Variants in LRP2 observed in about 807,000 individuals in gnomAD.
LRP2 encodes low-density lipoprotein receptor-related protein 2.
In LRP2, 172 loss-of-function variants were observed where a neutral mutation model predicts 531.0. The ratio of observed to expected loss-of-function variants is 0.32; its 90% CI spans 0.29 to 0.37. The LOEUF is 0.37. Ranked by LOEUF, LRP2 falls within the 10% of genes least tolerant of loss-of-function variation. The pLI, the probability that LRP2 is intolerant of heterozygous loss-of-function variation, is 1.00. For missense variants in LRP2, 5,167 were observed against 5,868.3 expected (o/e 0.88, Z 3.90); for synonymous variants, 1,992 against 2,027.6 (o/e 0.98, Z 0.47).
intron 27 of LRP2, 149 bp from the exon 28 acceptor site, chr2:169,237,436 C>T: frequency 1.5e-6 from 1 of 645,890 alleles, no homozygotes; most frequent in Non-Finnish European, 2.7e-6. Flanking sequence ...TGTAGCTAAC[C>T]ACCAAATCAA....
intron 31 of LRP2, among the ~76,000 whole-genome samples, chr2:169,228,157 C>T (rs1447533127): frequency 1.3e-5 from 2 of 152,088 alleles, no homozygotes; most frequent in Non-Finnish European, 2.9e-5. Context: ...AAATAAGACA[C>T]AAAGAAATCA....
intron 68 of LRP2, among the ~76,000 whole-genome samples, chr2:169,147,751 G>A (rs1274294986): frequency 6.6e-6 from 1 of 152,168 alleles, no homozygotes; most frequent in Admixed American, 6.5e-5. Context: ...AGAGGAACAG[G>A]TATGTAAGAT....
chr2:169,158,025 G>A (rs1357902678), intron 63 of LRP2, among the ~76,000 whole-genome samples: 1 of 147,448 alleles, frequency 6.8e-6, no homozygotes, highest in Admixed American at 6.8e-5. Context: ...ATTTTAAGAA[G>A]ACTATAATTT....
At chr2:169,199,439 A>G (rs1688117053) in intron 44 of LRP2, among the ~76,000 whole-genome samples, 1 of 152,190 alleles carries the variant, frequency 6.6e-6, no homozygotes, top group African/African-American at 2.4e-5. Flanking sequence ...AACAAAGAAA[A>G]GATAAACTAA....
chr2:169,195,219 C>T (rs1014444585), intron 46 of LRP2, among the ~76,000 whole-genome samples: 2 of 152,058 alleles, frequency 1.3e-5, no homozygotes, highest in African/African-American at 2.4e-5. Context: ...TATTCTTTGG[C>T]AGTGTACAGG....
intron 4 of LRP2, among the ~76,000 whole-genome samples, chr2:169,301,402 TA>T (rs5836230): frequency 0.31 from 45,039 of 143,656 alleles, 7,503 homozygotes; most frequent in East Asian, 0.61. Flanking sequence ...CTCTGTTCCT[TA>T]AAAAAAAAAA....
At chr2:169,240,656 A>G (rs544474654) in intron 25 of LRP2, 3 of 498,732 alleles carry the variant, frequency 6.0e-6, no homozygotes, top group East Asian at 3.2e-5. Flanking sequence ...TTGAAATTAG[A>G]AAATATTAAA....
At chr2:169,216,178 C>T in intron 35 of LRP2, 75 bp downstream of exon 35, 1 of 1,498,188 alleles carries the variant, frequency 6.7e-7, no homozygotes, top group Non-Finnish European at 9.3e-7. Context: ...GAACCACTGC[C>T]TGACAGCTCA....
chr2:169,299,249 A>T (rs1684229179), intron 4 of LRP2, among the ~76,000 whole-genome samples: 1 of 152,098 alleles, frequency 6.6e-6, no homozygotes, highest in Admixed American at 6.6e-5. Flanking sequence ...TGTAGAATTG[A>T]ACTAACATCA....
Position 169,146,998 on chromosome 2 carries a change from G to A in LRP2, c.12591-39C>T, listed in dbSNP as rs41268687. ...TTTCTTCACTGTAGCATCTCACCTGGTAAGACTTCTCCACTACAGCAGAGC... is the reference window on the plus strand; with the variant it reads ...TTTCTTCACTGTAGCATCTCACCTGATAAGACTTCTCCACTACAGCAGAGC... On this transcript the variant is annotated intron_variant, in intron 68 of 78. Transcript: ENST00000649046. 0.024 allele frequency: 35,630 copies of A among 1,461,900 alleles called. 2,068 individuals carry two copies. Among genetic ancestry groups the A allele is most frequent in the African/African-American group, 0.22 (15,615 of 72,006 alleles). 90.6% of individuals were successfully genotyped at this position (1,461,900 alleles called of 1,614,324 possible). A position where few individuals can be genotyped will look rare whatever the true frequency, so the allele number is the denominator to read the frequency against.
chr2:169,314,466 T>C (rs1479036033), intron 3 of LRP2, among the ~76,000 whole-genome samples: 1 of 151,802 alleles, frequency 6.6e-6, no homozygotes, highest in African/African-American at 2.4e-5. Context: ...ACAGTGACAG[T>C]TTTCAAGGTG....
chr2:169,233,047 C>G (rs1689468232), intron 30 of LRP2, among the ~76,000 whole-genome samples: 1 of 152,138 alleles, frequency 6.6e-6, no homozygotes, highest in African/African-American at 2.4e-5. Context: ...TAAACTAGTC[C>G]TAAAAGTAAG....
chr2:169,228,372 A>G (rs964831753), intron 31 of LRP2, among the ~76,000 whole-genome samples: 2 of 151,616 alleles, frequency 1.3e-5, no homozygotes, highest in Non-Finnish European at 1.5e-5. Context: ...TTATATTGAG[A>G]TGATATTTAA....
chr2:169,157,678 G>A (rs1004761711), intron 63 of LRP2, among the ~76,000 whole-genome samples, 176 bp from the exon 64 acceptor site: 3 of 151,926 alleles, frequency 2.0e-5, no homozygotes, highest in Admixed American at 1.3e-4. Context: ...ATTTCTGATC[G>A]TGATCTGAAT....
intron 27 of LRP2, 114 bp downstream of exon 27, chr2:169,237,977 G>T: frequency 1.2e-6 from 1 of 848,320 alleles, no homozygotes; most frequent in Non-Finnish European, 2.0e-6. Context: ...TGGCCCAGAA[G>T]GTACCATGAG....
intron 17 of LRP2, 106 bp from the exon 18 acceptor site, chr2:169,257,355 G>T: frequency 8.2e-7 from 1 of 1,214,656 alleles, no homozygotes; most frequent in Non-Finnish European, 1.2e-6. Context: ...AATTAATTTT[G>T]TTTTCTTTAT....
At chr2:169,179,725 AAAAAAAGT>A (rs1687355243) in intron 52 of LRP2, among the ~76,000 whole-genome samples, 1 of 151,930 alleles carries the variant, frequency 6.6e-6, no homozygotes, top group South Asian at 2.1e-4. Context: ...CATCTCAAAA[AAAAAAAGT>A]AAGAGTAGAA....
chr2:169,231,383 G>T (rs4668127), intron 31 of LRP2, among the ~76,000 whole-genome samples: 14 of 151,760 alleles, frequency 9.2e-5, no homozygotes, highest in African/African-American at 3.4e-4. Flanking sequence ...GTACACAAAC[G>T]TTGAGAATGT....
chr2:169,308,851 T>G (rs1684504073), intron 3 of LRP2, among the ~76,000 whole-genome samples: 1 of 152,158 alleles, frequency 6.6e-6, no homozygotes, highest in South Asian at 2.1e-4. Context: ...AGTGTAAAAG[T>G]GTTCCTATTT....
Sources: allele counts gnomAD v4.1 joint callset (sites outside exome capture counted in the v4.1 genomes callset), GRCh38; gene constraint gnomAD v4.1.1; transcripts MANE v1.5; gene names NCBI Gene and HGNC (gene_info 2026-07-23, HGNC 2026-07-21).